GATAD1: variants seen among roughly 807,000 people sequenced by gnomAD.
The protein encoded by GATAD1 is GATA zinc finger domain containing 1.
Under a neutral mutation model 26.5 loss-of-function variants are expected in GATAD1, and 12 were observed. The observed-to-expected ratio is 0.45, with a 90% CI of 0.29 to 0.73. GATAD1 has a LOEUF of 0.73. GATAD1 is among the 30% of genes least tolerant of loss of function. The pLI is 0.10. For missense variants in GATAD1, 266 were observed against 342.1 expected, an observed-to-expected ratio of 0.78 and a Z score of 1.75; for synonymous variants, 129 against 133.1, an observed-to-expected ratio of 0.97 and a Z score of 0.21.
the GATAD1 span, among the ~76,000 whole-genome samples, chr7:92,481,958 T>G: frequency 6.6e-6 from 1 of 152,160 alleles, no homozygotes; most frequent in African/African-American, 2.4e-5. Context: ...ATTTGAGCTT[T>G]GGAGGGGGAT....
the GATAD1 span, among the ~76,000 whole-genome samples, chr7:92,476,715 C>A: frequency 6.6e-6 from 1 of 151,866 alleles, no homozygotes; most frequent in Non-Finnish European, 1.5e-5. Flanking sequence ...TCTCTTTTCC[C>A]TCAGCCATTT....
intron 3 of GATAD1, among the ~76,000 whole-genome samples, chr7:92,452,029 A>T (rs1789456728): frequency 6.6e-6 from 1 of 152,252 alleles, no homozygotes; most frequent in Admixed American, 6.5e-5. Context: ...GTAAATAGTT[A>T]CTACCTCAGT....
At chr7:92,474,180 C>T in the GATAD1 span, among the ~76,000 whole-genome samples, 1 of 152,094 alleles carries the variant, frequency 6.6e-6, no homozygotes, top group African/African-American at 2.4e-5. Flanking sequence ...GTTCCGCCTG[C>T]TCCTCCTGAT....
the GATAD1 span, chr7:92,494,461 T>C: frequency 2.9e-5 from 47 of 1,612,544 alleles, no homozygotes; most frequent in Admixed American, 7.2e-4. Flanking sequence ...GTTATAACAT[T>C]CTATTTCTGT....
the GATAD1 span, chr7:92,469,940 C>G: frequency 1.2e-5 from 9 of 777,874 alleles, no homozygotes; most frequent in Non-Finnish European, 2.2e-5. Context: ...AGATCTAGTC[C>G]TTTGTAGGGG....
Position 92,457,494 on chromosome 7 carries a change from A to G in GATAD1, c.*932A>G, listed in dbSNP as rs1361329295. On this transcript the variant is annotated 3_prime_UTR_variant, in exon 5 of 5. Coordinates refer to ENST00000287957, the MANE Select transcript of GATAD1 (RefSeq NM_021167.5). ...AAACAAACAAAAAATTAAAAGGGATAGAATATAATGAAATATATTTTGAAC... is the reference window on the plus strand; with the variant it reads ...AAACAAACAAAAAATTAAAAGGGATGGAATATAATGAAATATATTTTGAAC... The G allele has an allele frequency of 6.6e-6, 1 of 152,214 alleles. No homozygotes were observed. The highest frequency in any genetic ancestry group is 1.9e-4 in the East Asian group (1 of 5,200). The allele number at this position is 152,214 out of a possible 1,614,324, so 9.4% of individuals were successfully genotyped here. A position where few individuals can be genotyped will look rare whatever the true frequency, so the allele number is the denominator to read the frequency against.
chr7:92,455,892 G>C (rs143061709), intron 4 of GATAD1, among the ~76,000 whole-genome samples: 1 of 152,280 alleles, frequency 6.6e-6, no homozygotes, highest in African/African-American at 2.4e-5. Context: ...CTAATCCCCA[G>C]ATTCTGATAT....
downstream of GATAD1, among the ~76,000 whole-genome samples, chr7:92,460,776 CAAAAAAAAAA>C (rs557542327): frequency 0.094 from 5,961 of 63,394 alleles, 182 homozygotes; most frequent in African/African-American, 0.12. Flanking sequence ...GACCTTCTCT[CAAAAAAAAAA>C]AAAAAAAAAA....
the GATAD1 span, among the ~76,000 whole-genome samples, chr7:92,490,947 T>C: frequency 4.9e-4 from 75 of 152,318 alleles, 1 homozygote; most frequent in South Asian, 4.1e-4. Context: ...TCCTCAACTG[T>C]TCATGATAAC....
intron 2 of GATAD1, chr7:92,450,473 G>T (rs949624895): frequency 1.9e-6 from 1 of 530,966 alleles, no homozygotes; most frequent in Non-Finnish European, 3.3e-6. Flanking sequence ...ATAATCAGAA[G>T]GTTGTCCTTT....
At chr7:92,467,959 C>CCAA in the GATAD1 span, among the ~76,000 whole-genome samples, 4 of 152,196 alleles carry the variant, frequency 2.6e-5, no homozygotes, top group Non-Finnish European at 5.9e-5. Context: ...TGCATTTGCA[C>CCAA]CCTCATGGTT....
chr7:92,456,497 A>G lies in GATAD1; in HGVS notation c.745A>G (p.Ile249Val), dbSNP rs778306005. The change falls in exon 5 of 5, where the codon ATA (isoleucine) becomes GTA (valine). Residue 249 changes from isoleucine (I) to valine (V), a missense_variant. Ile to Val is a conservative substitution (Grantham distance 29). Coordinates refer to ENST00000287957, the MANE Select transcript of GATAD1 (RefSeq NM_021167.5). ...TCCCACCAGACCAGAGAAGGGCTACATATGGACTCATGTTGGGCCTACTCC... is the reference window on the plus strand; with the variant it reads ...TCCCACCAGACCAGAGAAGGGCTACGTATGGACTCATGTTGGGCCTACTCC... ...TVPTRPEKGY[I>V]WTHVGPTPAI... 1.9e-6 allele frequency: 3 copies of G among 1,613,010 alleles called. No homozygotes were observed. Among genetic ancestry groups the G allele is most frequent in the South Asian group, 1.1e-5 (1 of 91,050 alleles).
the GATAD1 span, among the ~76,000 whole-genome samples, chr7:92,466,810 T>C: frequency 3.9e-5 from 6 of 152,282 alleles, no homozygotes; most frequent in African/African-American, 7.2e-5. Context: ...ATCTAAGATA[T>C]CAACTTTTCG....
chr7:92,490,919 G>T, the GATAD1 span, among the ~76,000 whole-genome samples: 1 of 152,096 alleles, frequency 6.6e-6, no homozygotes, highest in African/African-American at 2.4e-5. Context: ...TTACATTATT[G>T]TATCAAATTA....
chr7:92,453,824 G>A lies in GATAD1; in HGVS notation c.436-678G>A, dbSNP rs567319871. 3.3e-5 allele frequency among the ~76,000 whole-genome samples: 5 copies of A among 152,292 alleles called. No individual in the cohort carries two copies. The East Asian group carries it at 9.6e-4, about 29-fold the overall frequency. ...TTGGCTGCAGTCTCTATGGCTTTCA[G>A]CAAGCCGTTTAACCTTACTACTGCT... On this transcript the variant is annotated intron_variant, in intron 3 of 4. Coordinates refer to ENST00000287957, the MANE Select transcript of GATAD1 (RefSeq NM_021167.5).
chr7:92,489,368 T>C, the GATAD1 span: 13 of 1,612,332 alleles, frequency 8.1e-6, no homozygotes, highest in Non-Finnish European at 8.5e-6. Context: ...TAAATGTGAC[T>C]GACTAATAGC....
the GATAD1 span, chr7:92,469,253 C>A: frequency 0.013 from 7,452 of 553,310 alleles, no homozygotes; most frequent in African/African-American, 0.065. Context: ...AGGACTACTG[C>A]TGCTAGGGAG....
the GATAD1 span, chr7:92,494,496 C>CTT: frequency 1.9e-6 from 3 of 1,613,738 alleles, no homozygotes; most frequent in Non-Finnish European, 2.5e-6. Context: ...CCCTGTAAGC[C>CTT]TTCTACTCCA....
the GATAD1 span, chr7:92,470,152 G>C: frequency 2.6e-6 from 2 of 778,840 alleles, no homozygotes; most frequent in Non-Finnish European, 4.8e-6. Flanking sequence ...CATGCAAAGA[G>C]TGGCAGAGTG....
Sources: allele counts gnomAD v4.1 joint callset (sites outside exome capture counted in the v4.1 genomes callset), GRCh38; gene constraint gnomAD v4.1.1; transcripts MANE v1.5; gene names NCBI Gene and HGNC (gene_info 2026-07-23, HGNC 2026-07-21).